Variants in ATRNL1 observed in about 807,000 individuals in gnomAD.
The protein encoded by ATRNL1 is attractin-like protein 1.
A neutral mutation model predicts 182.7 loss-of-function variants in ATRNL1; 95 were observed. That is an observed-to-expected ratio of 0.52 (90% confidence interval 0.44 to 0.62). The LOEUF (loss-of-function observed/expected upper bound fraction) is 0.62. ATRNL1 is among the 20% of genes least tolerant of loss of function. ATRNL1 has a pLI of 0.00. For missense variants in ATRNL1, 1,471 were observed against 1,679.5 expected, an observed-to-expected ratio of 0.88 and a Z score of 2.17; for synonymous variants, 576 against 568.3, an observed-to-expected ratio of 1.01 and a Z score of -0.19.
At chr10:115,390,510 T>C (rs1843964078) in intron 19 of ATRNL1, among the ~76,000 whole-genome samples, 1 of 152,230 alleles carries the variant, frequency 6.6e-6, no homozygotes, top group South Asian at 2.1e-4. Context: ...AGTTTATTGC[T>C]GGGCTCTATA....
rs868973957 is a variant in ATRNL1, at chr10:115,948,633, T to C, written c.*3854T>C. 5 of 152,176 alleles carry C rather than the reference T, an allele frequency of 3.3e-5. No homozygotes were observed. The highest frequency in any genetic ancestry group is 1.2e-4 in the African/African-American group (5 of 41,442). 9.4% of individuals were successfully genotyped at this position (152,176 alleles called of 1,614,324 possible). A position where few individuals can be genotyped will look rare whatever the true frequency, so the allele number is the denominator to read the frequency against. ...TTAGGCAAATTAGGGAAACACTGCA[T>C]TGGGTCAAAGTGCTGCCTTTAATCG... On this transcript the variant is annotated 3_prime_UTR_variant, in exon 29 of 29. Coordinates refer to ENST00000355044, the MANE Select transcript of ATRNL1 (RefSeq NM_207303.4).
At chr10:115,600,259 G>A (rs1012051663) in intron 26 of ATRNL1, among the ~76,000 whole-genome samples, 1 of 152,102 alleles carries the variant, frequency 6.6e-6, no homozygotes, top group African/African-American at 2.4e-5. Context: ...TTTAACTTGA[G>A]TAAATGCCTA....
At chr10:115,934,885 T>G (rs782662803) in intron 28 of ATRNL1, among the ~76,000 whole-genome samples, 4 of 152,198 alleles carry the variant, frequency 2.6e-5, no homozygotes, top group African/African-American at 4.8e-5. Context: ...CTCCCATTGT[T>G]CCATTTACAA....
chr10:115,623,387 A>T (rs1284180562), intron 26 of ATRNL1, among the ~76,000 whole-genome samples: 1 of 152,166 alleles, frequency 6.6e-6, no homozygotes, highest in Non-Finnish European at 1.5e-5. Flanking sequence ...AGCACTATCT[A>T]ATATGACAAA....
intron 21 of ATRNL1, among the ~76,000 whole-genome samples, chr10:115,441,958 C>T (rs12098698): frequency 0.076 from 11,618 of 151,950 alleles, 1,461 homozygotes; most frequent in African/African-American, 0.26. Context: ...ATCTTTCTCT[C>T]TTCTACTTCT....
At chr10:115,811,507 C>T (rs539731483) in intron 27 of ATRNL1, among the ~76,000 whole-genome samples, 7 of 152,110 alleles carry the variant, frequency 4.6e-5, no homozygotes, top group African/African-American at 1.2e-4. Context: ...ATGTGTTCCA[C>T]ATACTTAGTT....
chr10:115,280,427 G>C (rs1429276923), intron 13 of ATRNL1, among the ~76,000 whole-genome samples: 1 of 152,180 alleles, frequency 6.6e-6, no homozygotes, highest in African/African-American at 2.4e-5. Context: ...ATGGTTTCAT[G>C]GTGACTAAGG....
At position 115,215,726 on chromosome 10, in the gene ATRNL1, A is replaced by G. The variant is rs1849205013; in HGVS notation, c.1378A>G (p.Lys460Glu). 6.3e-7 allele frequency: 1 copy of G among 1,598,438 alleles called. No homozygotes were observed. Among genetic ancestry groups the G allele is most frequent in the Non-Finnish European group, 8.5e-7 (1 of 1,174,962 alleles). Residue 460 changes from lysine (K) to glutamate (E), a missense_variant, in exon 9 of 29, where the codon AAA (lysine) becomes GAA (glutamate). This residue lies in a region of ATRNL1 where 1,031 missense variants were observed against 1,156.0 expected (regional missense o/e 0.89). Transcript: ENST00000355044. ...SSNTWLVPET[K>E]GAIVQGGYGH... ...AAACACTTGGCTTGTTCCAGAAACTAAAGGAGCTATTGTACAAGGTGGATA... is the reference window on the plus strand; with the variant it reads ...AAACACTTGGCTTGTTCCAGAAACTGAAGGAGCTATTGTACAAGGTGGATA...
At chr10:115,448,581 C>G (rs1389495668) in intron 21 of ATRNL1, among the ~76,000 whole-genome samples, 1 of 151,864 alleles carries the variant, frequency 6.6e-6, no homozygotes, top group Non-Finnish European at 1.5e-5. Flanking sequence ...AGAAAGATCT[C>G]AAATTAACAA....
chr10:115,511,319 A>C (rs1210123098), intron 24 of ATRNL1, among the ~76,000 whole-genome samples: 1 of 151,952 alleles, frequency 6.6e-6, no homozygotes, highest in African/African-American at 2.4e-5. Context: ...AACAAGTAAG[A>C]ATATAACCTA....
At chr10:115,245,136 G>T (rs1326451422) in intron 10 of ATRNL1, among the ~76,000 whole-genome samples, 1 of 152,180 alleles carries the variant, frequency 6.6e-6, no homozygotes, top group South Asian at 2.1e-4. Context: ...TTTAATGGTA[G>T]TATATAATAA....
chr10:115,422,169 A>T (rs1845678988), intron 20 of ATRNL1, among the ~76,000 whole-genome samples: 1 of 152,196 alleles, frequency 6.6e-6, no homozygotes, highest in African/African-American at 2.4e-5. Flanking sequence ...GAGTAATTGC[A>T]ACAACAAAGA....
chr10:115,615,192 T>C (rs1857368924), intron 26 of ATRNL1, among the ~76,000 whole-genome samples: 1 of 152,102 alleles, frequency 6.6e-6, no homozygotes, highest in Non-Finnish European at 1.5e-5. Context: ...GTATCTGCTA[T>C]ACCAATATTT....
chr10:115,571,666 A>G (rs1555003502), intron 26 of ATRNL1, among the ~76,000 whole-genome samples: 1 of 152,150 alleles, frequency 6.6e-6, no homozygotes, highest in Non-Finnish European at 1.5e-5. Context: ...AGGGTTTGTG[A>G]CTTTCTGGAG....
chr10:115,852,278 G>A (rs1951074904), intron 28 of ATRNL1, among the ~76,000 whole-genome samples: 1 of 152,158 alleles, frequency 6.6e-6, no homozygotes. Flanking sequence ...TTGAAATTCT[G>A]AAGTTTTCTA....
intron 20 of ATRNL1, among the ~76,000 whole-genome samples, chr10:115,400,820 G>T (rs1224929021): frequency 1.3e-5 from 2 of 151,776 alleles, no homozygotes; most frequent in Non-Finnish European, 2.9e-5. Flanking sequence ...CCTTAGTTTT[G>T]AGGCTATGTG....
rs573891479 is a variant in ATRNL1, at chr10:115,738,944, GT to G, written c.3903+11590del. 1.6e-4 allele frequency among the ~76,000 whole-genome samples: 24 copies of G among 152,050 alleles called. 1 individual carries two copies. The South Asian group carries it at 4.8e-3, about 30-fold the overall frequency. ...TCATCTTTCATTCAGAATTCACTGA[GT>G]CAAAAGCTAAATATATATATTTATA... On this transcript the variant is annotated intron_variant, in intron 27 of 28. Coordinates refer to ENST00000355044, the MANE Select transcript of ATRNL1 (RefSeq NM_207303.4).
At chr10:115,492,015 C>A (rs1849322314) in intron 24 of ATRNL1, among the ~76,000 whole-genome samples, 1 of 152,170 alleles carries the variant, frequency 6.6e-6, no homozygotes, top group South Asian at 2.1e-4. Context: ...GACCTCTTGG[C>A]TTCCCAGGTA....
At chr10:115,789,607 G>T (rs980648953) in intron 27 of ATRNL1, among the ~76,000 whole-genome samples, 2 of 152,122 alleles carry the variant, frequency 1.3e-5, no homozygotes, top group African/African-American at 4.8e-5. Context: ...GAGAAAATAC[G>T]CCAGAAGAAT....
Sources: gnomAD v4.1 joint callset for allele counts (sites outside exome capture counted in the v4.1 genomes callset) on GRCh38, gnomAD v4.1.1 for gene constraint, gnomAD v4.1.1 regional missense constraint, MANE v1.5 for transcripts, NCBI Gene and HGNC (gene_info 2026-07-23, HGNC 2026-07-21) for gene names.